Variants in NPHP1 observed in about 807,000 individuals in gnomAD.
The protein encoded by NPHP1 is nephrocystin-1.
A neutral mutation model predicts 90.4 loss-of-function variants in NPHP1; 70 were observed. That is an observed-to-expected ratio of 0.77 (90% CI 0.64 to 0.95). NPHP1 has a LOEUF of 0.95. Ranked by LOEUF, NPHP1 falls within the 40% of genes least tolerant of loss-of-function variation. The pLI is 0.00. For missense variants in NPHP1, 764 were observed against 795.9 expected (o/e 0.96, Z 0.48); for synonymous variants, 256 against 271.7 (o/e 0.94, Z 0.57).
chr2:110,174,078 C>A (rs1683346439), intron 4 of NPHP1, among the ~76,000 whole-genome samples: 1 of 152,040 alleles, frequency 6.6e-6, no homozygotes, highest in Admixed American at 6.6e-5. Flanking sequence ...TGTTGTAGAA[C>A]ATGGAATACC....
intron 5 of NPHP1, among the ~76,000 whole-genome samples, chr2:110,169,338 G>A (rs1682949407): frequency 1.3e-5 from 2 of 151,906 alleles, no homozygotes; most frequent in Admixed American, 1.3e-4. Flanking sequence ...GAAAACACAG[G>A]CTCAAAATCA....
At chr2:110,155,417 G>C (rs985879475) in intron 11 of NPHP1, among the ~76,000 whole-genome samples, 1 of 152,148 alleles carries the variant, frequency 6.6e-6, no homozygotes, top group Non-Finnish European at 1.5e-5. Context: ...TGTGAGAAGA[G>C]GGCCACCATC....
intron 11 of NPHP1, among the ~76,000 whole-genome samples, chr2:110,157,732 C>T (rs903571186): frequency 4.6e-5 from 7 of 152,098 alleles, no homozygotes; most frequent in African/African-American, 1.7e-4. Flanking sequence ...TCCACCTCCA[C>T]CTCTCTAAGT....
chr2:110,174,615 T>G (rs1683378131), intron 4 of NPHP1, among the ~76,000 whole-genome samples: 1 of 152,152 alleles, frequency 6.6e-6, no homozygotes, highest in African/African-American at 2.4e-5. Context: ...AAACTTTATT[T>G]GTAACCTCCT....
At chr2:110,203,962 T>TAA (rs1482733951) in intron 1 of NPHP1, among the ~76,000 whole-genome samples, 7 of 152,062 alleles carry the variant, frequency 4.6e-5, no homozygotes, top group Admixed American at 3.3e-4. Flanking sequence ...TGAAAAAGAA[T>TAA]AAAGAAAATC....
At chr2:110,140,079 C>T (rs984532047) in intron 16 of NPHP1, among the ~76,000 whole-genome samples, 1 of 152,032 alleles carries the variant, frequency 6.6e-6, no homozygotes, top group African/African-American at 2.4e-5. Context: ...GTTTCACTGC[C>T]CATAAGCTGG....
At chr2:110,151,626 G>A (rs1362697220) in intron 11 of NPHP1, among the ~76,000 whole-genome samples, 1 of 152,046 alleles carries the variant, frequency 6.6e-6, no homozygotes, top group Admixed American at 6.6e-5. Flanking sequence ...TTTATGGGCA[G>A]CTGGATTGTT....
At chr2:110,200,987 T>C (rs572536390) in intron 2 of NPHP1, among the ~76,000 whole-genome samples, 5 of 152,300 alleles carry the variant, frequency 3.3e-5, no homozygotes, top group Admixed American at 1.3e-4. Flanking sequence ...TAGTCTAAAT[T>C]TGATGTAGTT....
chr2:110,133,009 A>G (rs189144852), intron 16 of NPHP1, among the ~76,000 whole-genome samples: 1 of 152,174 alleles, frequency 6.6e-6, no homozygotes, highest in East Asian at 1.9e-4. Context: ...AAAAGCTATA[A>G]GATAAGCAGC....
chr2:110,195,273 T>C (rs1219150510), intron 2 of NPHP1, among the ~76,000 whole-genome samples: 1 of 152,136 alleles, frequency 6.6e-6, no homozygotes, highest in Non-Finnish European at 1.5e-5. Flanking sequence ...CGTCTCAGCC[T>C]ATAATCTCCT....
intron 10 of NPHP1, among the ~76,000 whole-genome samples, chr2:110,160,712 G>A (rs970768385): frequency 6.6e-6 from 1 of 152,190 alleles, no homozygotes; most frequent in African/African-American, 2.4e-5. Context: ...TGTTTTAACA[G>A]AGAGAATGCA....
chr2:110,152,289 A>ATT (rs397868566), intron 11 of NPHP1, among the ~76,000 whole-genome samples: 1 of 146,746 alleles, frequency 6.8e-6, no homozygotes, highest in Non-Finnish European at 1.5e-5. Flanking sequence ...CCTTGGCTCT[A>ATT]TTTTTTTTTT....
chr2:110,165,914 T>C (rs1682697052), intron 6 of NPHP1, among the ~76,000 whole-genome samples: 1 of 152,082 alleles, frequency 6.6e-6, no homozygotes, highest in Admixed American at 6.6e-5. Flanking sequence ...CTCACACAAA[T>C]ACATAAAATA....
At chr2:110,133,626 T>C (rs1479430219) in intron 16 of NPHP1, among the ~76,000 whole-genome samples, 1 of 152,114 alleles carries the variant, frequency 6.6e-6, no homozygotes, top group African/African-American at 2.4e-5. Flanking sequence ...AGACCATATG[T>C]TGAGTCACAA....
chr2:110,129,348 T>C, intron 17 of NPHP1, 89 bp from the exon 18 acceptor site: 1 of 964,216 alleles, frequency 1.0e-6, no homozygotes, highest in Non-Finnish European at 1.7e-6. Context: ...AGATGAAAAT[T>C]ATTGTGCCAA....
intron 16 of NPHP1, among the ~76,000 whole-genome samples, chr2:110,142,057 A>C (rs1314217449): frequency 6.6e-6 from 1 of 152,060 alleles, no homozygotes; most frequent in Non-Finnish European, 1.5e-5. Flanking sequence ...TGTCCCAGTA[A>C]TCTCACTCCT....
chr2:110,137,759 C>T (rs1680311495), intron 16 of NPHP1, among the ~76,000 whole-genome samples: 1 of 151,208 alleles, frequency 6.6e-6, no homozygotes, highest in Non-Finnish European at 1.5e-5. Flanking sequence ...TTGTGGAAGT[C>T]AGTGTGGTGA....
intron 4 of NPHP1, chr2:110,178,142 T>C (rs1683636751): frequency 2.0e-5 from 10 of 499,104 alleles, no homozygotes; most frequent in Non-Finnish European, 3.2e-5. Context: ...ATTAAATATA[T>C]CATCTTTATT....
intron 11 of NPHP1, among the ~76,000 whole-genome samples, chr2:110,152,284 G>A (rs372392877): frequency 6.7e-6 from 1 of 150,078 alleles, no homozygotes; most frequent in African/African-American, 2.5e-5. Context: ...TGAAACCTTG[G>A]CTCTATTTTT....
Sources: allele counts gnomAD v4.1 joint callset (sites outside exome capture counted in the v4.1 genomes callset), GRCh38; gene constraint gnomAD v4.1.1; transcripts MANE v1.5; gene names NCBI Gene and HGNC (gene_info 2026-07-23, HGNC 2026-07-21).